CSMD1: variants seen among roughly 807,000 people sequenced by gnomAD.
CSMD1 encodes the protein CUB and sushi domain-containing protein 1.
A neutral mutation model predicts 417.5 loss-of-function variants in CSMD1; 213 were observed. That is an observed-to-expected ratio of 0.51 (90% CI 0.46 to 0.57). The LOEUF (loss-of-function observed/expected upper bound fraction) is 0.57, where lower values mean the gene tolerates loss of function less well. Among genes scored for constraint, CSMD1 ranks in the 20% least tolerant of loss-of-function variants. CSMD1 has a pLI of 0.00. For synonymous variants in CSMD1, 2,862 were observed against 1,736.8 expected (o/e 1.65, Z -16.11); for missense variants, 6,923 against 4,529.7 (o/e 1.53, Z -15.17).
At chr8:3,462,751 C>T (rs1346922532) in intron 12 of CSMD1, among the ~76,000 whole-genome samples, 2 of 152,192 alleles carry the variant, frequency 1.3e-5, no homozygotes, top group East Asian at 3.9e-4. Flanking sequence ...CATGGAAAAA[C>T]TGTCTACCTT....
intron 1 of CSMD1, among the ~76,000 whole-genome samples, chr8:4,874,685 T>C (rs1802939673): frequency 6.6e-6 from 1 of 151,880 alleles, no homozygotes; most frequent in Non-Finnish European, 1.5e-5. Context: ...TTATGTAGAA[T>C]AGCTAACAGT....
chr8:4,672,136 G>T (rs1226759526), intron 1 of CSMD1, among the ~76,000 whole-genome samples: 2 of 152,182 alleles, frequency 1.3e-5, no homozygotes, highest in East Asian at 3.9e-4. Context: ...CATTGCATGA[G>T]GCTCTCACAC....
intron 3 of CSMD1, among the ~76,000 whole-genome samples, chr8:4,032,991 G>A (rs185380890): frequency 1.9e-4 from 29 of 152,088 alleles, no homozygotes; most frequent in East Asian, 3.9e-4. Context: ...ATCTGTTTGC[G>A]GAAGCCTGCT....
At chr8:4,305,340 G>A (rs4875319) in intron 3 of CSMD1, among the ~76,000 whole-genome samples, 21,499 of 152,138 alleles carry the variant, frequency 0.14, 1,537 homozygotes, top group Non-Finnish European at 0.16. Context: ...AGCAAGAGAA[G>A]TGAGACCCGA....
At chr8:3,895,713 T>C (rs1473603158) in intron 5 of CSMD1, among the ~76,000 whole-genome samples, 1 of 152,224 alleles carries the variant, frequency 6.6e-6, no homozygotes, top group Non-Finnish European at 1.5e-5. Context: ...AACTTGTCAA[T>C]TTATTTGCTT....
chr8:3,123,181 T>C (rs1356613554), intron 41 of CSMD1, among the ~76,000 whole-genome samples: 8 of 152,122 alleles, frequency 5.3e-5, no homozygotes, highest in African/African-American at 1.9e-4. Context: ...TCAGCATCTC[T>C]CTCTTTCTCT....
At chr8:3,530,497 A>G (rs1391175917) in intron 10 of CSMD1, among the ~76,000 whole-genome samples, 3 of 152,194 alleles carry the variant, frequency 2.0e-5, no homozygotes, top group African/African-American at 7.2e-5. Context: ...TAATAAAAGC[A>G]AAATGTACAG....
chr8:4,152,008 C>T (rs1714744), intron 3 of CSMD1, among the ~76,000 whole-genome samples: 149,031 of 152,218 alleles, frequency 0.98, 73,024 homozygotes, highest in Middle Eastern at 1. Context: ...GTCATTTTAA[C>T]GTAATCAATG....
intron 55 of CSMD1, among the ~76,000 whole-genome samples, chr8:2,975,574 T>A (rs1239244015): frequency 6.6e-6 from 1 of 152,178 alleles, no homozygotes. Flanking sequence ...TACATGGACA[T>A]TGATTCATTG....
chr8:4,853,550 A>T (rs1277161299), intron 1 of CSMD1, among the ~76,000 whole-genome samples: 1 of 152,252 alleles, frequency 6.6e-6, no homozygotes, highest in Non-Finnish European at 1.5e-5. Flanking sequence ...CTGAGTGCTC[A>T]GGCAGAAGGC....
At chr8:3,706,375 A>G (rs78347707) in intron 7 of CSMD1, among the ~76,000 whole-genome samples, 8,200 of 152,210 alleles carry the variant, frequency 0.054, 273 homozygotes, top group South Asian at 0.072. Flanking sequence ...AAACAATTTC[A>G]TTTTCTCTGT....
At chr8:4,875,365 C>T (rs2116931864) in intron 1 of CSMD1, among the ~76,000 whole-genome samples, 1 of 152,148 alleles carries the variant, frequency 6.6e-6, no homozygotes, top group African/African-American at 2.4e-5. Context: ...TGAAAAGTGA[C>T]TTGTTTTCTT....
intron 1 of CSMD1, among the ~76,000 whole-genome samples, chr8:4,697,578 G>C (rs528873556): frequency 1.3e-5 from 2 of 152,212 alleles, no homozygotes; most frequent in South Asian, 2.1e-4. Context: ...TAGTATTCAA[G>C]TGACTATTGA....
intron 1 of CSMD1, among the ~76,000 whole-genome samples, chr8:4,685,257 A>G (rs1443764658): frequency 2.6e-5 from 4 of 152,190 alleles, no homozygotes; most frequent in Non-Finnish European, 4.4e-5. Flanking sequence ...GTACAGGTCT[A>G]CTTACCACAT....
At chr8:4,388,593 G>C (rs776284786) in intron 3 of CSMD1, among the ~76,000 whole-genome samples, 2 of 151,992 alleles carry the variant, frequency 1.3e-5, no homozygotes, top group African/African-American at 2.4e-5. Flanking sequence ...TGCAAATAGG[G>C]TACAGTGTAT....
intron 37 of CSMD1, 145 bp from the exon 38 acceptor site, chr8:3,162,422 G>A (rs182871913): frequency 3.2e-6 from 2 of 622,784 alleles, no homozygotes; most frequent in Admixed American, 5.2e-5. Flanking sequence ...CTACCAAGAA[G>A]ACTTTGAGTA....
intron 1 of CSMD1, among the ~76,000 whole-genome samples, chr8:4,983,601 C>T (rs564633363): frequency 6.6e-6 from 1 of 152,264 alleles, no homozygotes; most frequent in South Asian, 2.1e-4. Flanking sequence ...CGACTGACTG[C>T]AACCTCTGTC....
At chr8:3,290,748 A>G (rs1366977400) in intron 25 of CSMD1, among the ~76,000 whole-genome samples, 11 of 146,708 alleles carry the variant, frequency 7.5e-5, no homozygotes, top group Non-Finnish European at 1.6e-4. Context: ...GGTTTTCTAG[A>G]TATACAATCA....
chr8:3,578,226 G>T (rs1323540723), intron 9 of CSMD1, among the ~76,000 whole-genome samples: 2 of 152,170 alleles, frequency 1.3e-5, no homozygotes, highest in Admixed American at 1.3e-4. Flanking sequence ...AATAGAAAAA[G>T]AAGAGTTAGA....
Sources: gnomAD v4.1 joint callset for allele counts (sites outside exome capture counted in the v4.1 genomes callset) on GRCh38, gnomAD v4.1.1 for gene constraint, MANE v1.5 for transcripts, NCBI Gene and HGNC (gene_info 2026-07-23, HGNC 2026-07-21) for gene names.